TBCK: variants seen among roughly 807,000 people sequenced by gnomAD.
The protein encoded by TBCK is TBC1 domain containing kinase.
TBCK carries 99 observed loss-of-function variants against 113.4 expected under a neutral mutation model. The ratio of observed to expected loss-of-function variants is 0.87; its 90% CI spans 0.74 to 1.03. The LOEUF is 1.03. TBCK is among the 50% of genes least tolerant of loss of function. The pLI, the probability that TBCK is intolerant of heterozygous loss-of-function variation, is 0.00. For missense variants in TBCK, 1,045 were observed against 1,061.3 expected, an observed-to-expected ratio of 0.98 and a Z score of 0.21; for synonymous variants, 369 against 370.8, an observed-to-expected ratio of 1.00 and a Z score of 0.05.
intron 5 of TBCK, among the ~76,000 whole-genome samples, chr4:106,258,979 G>A (rs952273045): frequency 1.3e-5 from 2 of 151,832 alleles, no homozygotes; most frequent in Non-Finnish European, 3.0e-5. Flanking sequence ...ACACAAAACT[G>A]TAAGACTACG....
intron 2 of TBCK, among the ~76,000 whole-genome samples, chr4:106,308,383 T>C (rs1255634742): frequency 1.3e-5 from 2 of 152,082 alleles, no homozygotes; most frequent in African/African-American, 4.8e-5. Flanking sequence ...CATAGCATAA[T>C]CCATGAGAGA....
At chr4:106,135,213 A>T (rs1180165703) in intron 23 of TBCK, among the ~76,000 whole-genome samples, 2 of 151,568 alleles carry the variant, frequency 1.3e-5, no homozygotes, top group East Asian at 3.9e-4. Context: ...ACTATACAAT[A>T]ATAATAGAAA....
intron 3 of TBCK, among the ~76,000 whole-genome samples, chr4:106,265,439 C>T (rs1185050556): frequency 6.6e-6 from 1 of 151,630 alleles, no homozygotes; most frequent in Non-Finnish European, 1.5e-5. Flanking sequence ...CTACAGTCAT[C>T]CCGTTGTATT....
chr4:106,130,984 T>G (rs1003972059), intron 23 of TBCK, among the ~76,000 whole-genome samples: 1 of 152,176 alleles, frequency 6.6e-6, no homozygotes, highest in Admixed American at 6.5e-5. Context: ...CAGATTGATA[T>G]GGACTAGCTG....
At chr4:106,300,968 T>C (rs375454929) in intron 2 of TBCK, among the ~76,000 whole-genome samples, 1 of 151,886 alleles carries the variant, frequency 6.6e-6, no homozygotes, top group Non-Finnish European at 1.5e-5. Context: ...TAAATAAATA[T>C]GAGCAGAATT....
intron 23 of TBCK, among the ~76,000 whole-genome samples, chr4:106,132,457 G>C (rs964987573): frequency 7.2e-5 from 11 of 152,248 alleles, no homozygotes; most frequent in Non-Finnish European, 1.3e-4. Flanking sequence ...CAAGAATTGA[G>C]GTTTAGAAAT....
intron 1 of TBCK, among the ~76,000 whole-genome samples, chr4:106,315,258 A>C (rs1035531649): frequency 1.3e-5 from 2 of 151,512 alleles, no homozygotes; most frequent in Non-Finnish European, 2.9e-5. Flanking sequence ...TTGTTTTTCC[A>C]GCTGGTGGGC....
chr4:106,219,853 A>T (rs921431613), intron 19 of TBCK, among the ~76,000 whole-genome samples: 2 of 152,188 alleles, frequency 1.3e-5, no homozygotes, highest in African/African-American at 4.8e-5. Context: ...AAATGACAAT[A>T]ACATCATAAA....
At chr4:106,187,192 T>G (rs1396668767) in intron 22 of TBCK, among the ~76,000 whole-genome samples, 4 of 152,148 alleles carry the variant, frequency 2.6e-5, no homozygotes, top group Admixed American at 2.6e-4. Flanking sequence ...GCTTTGTTCT[T>G]TTTGCTTAGG....
chr4:106,084,265 C>T (rs146094862), intron 25 of TBCK, among the ~76,000 whole-genome samples: 3 of 152,250 alleles, frequency 2.0e-5, no homozygotes, highest in African/African-American at 7.2e-5. Flanking sequence ...GGCTGGAAAA[C>T]ACAGCATGAG....
chr4:106,220,251 A>G (rs948527922), intron 19 of TBCK, among the ~76,000 whole-genome samples: 4 of 152,130 alleles, frequency 2.6e-5, no homozygotes, highest in South Asian at 2.1e-4. Flanking sequence ...ATAATAGTGA[A>G]TAAGTCTCAC....
intron 2 of TBCK, among the ~76,000 whole-genome samples, chr4:106,297,090 C>T (rs755663544): frequency 1.3e-5 from 2 of 152,002 alleles, no homozygotes; most frequent in Non-Finnish European, 1.5e-5. Flanking sequence ...AAATCTTTAC[C>T]TCTTCTACCC....
chr4:106,264,795 T>C (rs1762829999), intron 3 of TBCK, among the ~76,000 whole-genome samples: 1 of 151,984 alleles, frequency 6.6e-6, no homozygotes, highest in Non-Finnish European at 1.5e-5. Context: ...TTTGTTTAGC[T>C]ATAAGACATC....
chr4:106,129,136 C>G (rs944144081), intron 23 of TBCK, among the ~76,000 whole-genome samples: 45 of 152,154 alleles, frequency 3.0e-4, no homozygotes, highest in Non-Finnish European at 1.3e-4. Context: ...TTTATATAGA[C>G]TAAGCACTTA....
At chr4:106,065,170 T>C (rs1736496289) in intron 25 of TBCK, among the ~76,000 whole-genome samples, 1 of 151,974 alleles carries the variant, frequency 6.6e-6, no homozygotes, top group Non-Finnish European at 1.5e-5. Context: ...TATATCCTTG[T>C]TTACTTAATA....
chr4:106,156,774 T>C (rs954798263), intron 23 of TBCK, among the ~76,000 whole-genome samples: 2 of 152,176 alleles, frequency 1.3e-5, no homozygotes, highest in African/African-American at 4.8e-5. Context: ...AGTTTCCCTT[T>C]GGCCCACGGC....
chr4:106,105,439 C>T (rs1742036597), intron 24 of TBCK, among the ~76,000 whole-genome samples: 1 of 152,204 alleles, frequency 6.6e-6, no homozygotes, highest in Non-Finnish European at 1.5e-5. Flanking sequence ...CCCAGAGCTG[C>T]AGTGGGCAGC....
At chr4:106,228,293 G>A (rs1029378006) in intron 19 of TBCK, among the ~76,000 whole-genome samples, 5 of 150,538 alleles carry the variant, frequency 3.3e-5, no homozygotes, top group Non-Finnish European at 7.4e-5. Flanking sequence ...ATTAACTGTA[G>A]TCACCCTGTT....
intron 24 of TBCK, among the ~76,000 whole-genome samples, chr4:106,104,379 A>G (rs2149536685): frequency 6.6e-6 from 1 of 152,358 alleles, no homozygotes; most frequent in South Asian, 2.1e-4. Context: ...CACCTTAGCC[A>G]TTCCAGCCTT....
Sources: gnomAD v4.1 joint callset for allele counts (sites outside exome capture counted in the v4.1 genomes callset) on GRCh38, gnomAD v4.1.1 for gene constraint, MANE v1.5 for transcripts, NCBI Gene and HGNC (gene_info 2026-07-23, HGNC 2026-07-21) for gene names.